COL25A1: variants seen among roughly 807,000 people sequenced by gnomAD.
The protein encoded by COL25A1 is collagen alpha-1(XXV) chain.
Under a neutral mutation model 128.4 loss-of-function variants are expected in COL25A1, and 103 were observed. That is an observed-to-expected ratio of 0.80 (90% CI 0.68 to 0.94). The LOEUF (loss-of-function observed/expected upper bound fraction) is 0.94. Ranked by LOEUF, COL25A1 falls within the 40% of genes least tolerant of loss-of-function variation. The pLI, the probability that COL25A1 is intolerant of heterozygous loss-of-function variation, is 0.00. For synonymous variants in COL25A1, 279 were observed against 277.2 expected, an observed-to-expected ratio of 1.01 and a Z score of -0.06; for missense variants, 745 against 840.0, an observed-to-expected ratio of 0.89 and a Z score of 1.40.
chr4:109,140,623 T>C (rs190282003), intron 3 of COL25A1, among the ~76,000 whole-genome samples: 2 of 152,334 alleles, frequency 1.3e-5, no homozygotes, highest in African/African-American at 4.8e-5. Flanking sequence ...CAGTGGTTTG[T>C]AGTTCTCCTT....
intron 3 of COL25A1, among the ~76,000 whole-genome samples, chr4:109,080,077 C>A (rs1763708457): frequency 6.6e-6 from 1 of 152,160 alleles, no homozygotes; most frequent in Middle Eastern, 3.4e-3. Context: ...GTTATCATTA[C>A]CCCCACCACA....
intron 14 of COL25A1, among the ~76,000 whole-genome samples, chr4:108,899,760 G>T (rs1292561968): frequency 1.3e-5 from 2 of 152,002 alleles, no homozygotes; most frequent in East Asian, 3.9e-4. Context: ...ATTTTAGGAG[G>T]CACCTTAAGG....
At chr4:109,085,136 T>G (rs1050074390) in intron 3 of COL25A1, among the ~76,000 whole-genome samples, 6 of 152,296 alleles carry the variant, frequency 3.9e-5, no homozygotes, top group African/African-American at 1.4e-4. Context: ...TTTGTGCCAC[T>G]GTCTTCTCTA....
chr4:109,275,949 C>T (rs1722794369), intron 3 of COL25A1, among the ~76,000 whole-genome samples: 2 of 152,148 alleles, frequency 1.3e-5, no homozygotes, highest in African/African-American at 4.8e-5. Context: ...CTTCTCAATC[C>T]ACTGGGCAAA....
At chr4:108,817,530 C>T in intron 36 of COL25A1, 95 bp from the exon 37 acceptor site, 1 of 1,173,794 alleles carries the variant, frequency 8.5e-7, no homozygotes. Context: ...TAAATTTCTA[C>T]CCATTAGTGA....
chr4:108,858,201 T>C (rs1210747173), intron 24 of COL25A1, among the ~76,000 whole-genome samples: 1 of 152,110 alleles, frequency 6.6e-6, no homozygotes, highest in Non-Finnish European at 1.5e-5. Context: ...AGGGGGGTCA[T>C]TAAGGTTTCT....
In COL25A1 at chr4:108,966,965, A is replaced by C. The variant is rs542476131; in HGVS notation, c.492+7402T>G. On this transcript the variant is annotated intron_variant, in intron 8 of 37. Transcript: ENST00000399132. ...GAGAGGAAAGAAAGAAAAAGAAAGA[A>C]AGAAAAAGAAAGAAAAGTTTTATTA... Among the ~76,000 whole-genome samples the C allele has an allele frequency of 1.8e-3, 279 of 152,178 alleles. 2 individuals are homozygous for C. Among genetic ancestry groups the C allele is most frequent in the African/African-American group, 6.3e-3 (263 of 41,546 alleles).
At chr4:109,215,945 C>A (rs1342818629) in intron 3 of COL25A1, among the ~76,000 whole-genome samples, 1 of 152,080 alleles carries the variant, frequency 6.6e-6, no homozygotes, top group African/African-American at 2.4e-5. Flanking sequence ...TGTGAGTCAG[C>A]ACATTGGGTT....
chr4:108,869,206 A>T, intron 19 of COL25A1, 56 bp from the exon 20 acceptor site: 1 of 765,710 alleles, frequency 1.3e-6, no homozygotes, highest in East Asian at 3.6e-5. Flanking sequence ...ATAAATAAAT[A>T]AATAAATAAA....
At chr4:108,862,965 T>C (rs958045193) in intron 21 of COL25A1, among the ~76,000 whole-genome samples, 2 of 152,224 alleles carry the variant, frequency 1.3e-5, no homozygotes, top group African/African-American at 4.8e-5. Flanking sequence ...TCCTTAGCTC[T>C]AATATTTTCA....
intron 3 of COL25A1, among the ~76,000 whole-genome samples, chr4:109,223,255 G>A (rs1778547991): frequency 6.6e-6 from 1 of 152,126 alleles, no homozygotes; most frequent in Non-Finnish European, 1.5e-5. Flanking sequence ...GGTCACCAAT[G>A]TGGACTTACC....
intron 3 of COL25A1, among the ~76,000 whole-genome samples, chr4:109,151,206 CA>C (rs1771469871): frequency 6.6e-6 from 1 of 152,076 alleles, no homozygotes; most frequent in Non-Finnish European, 1.5e-5. Context: ...AATTTCCCCT[CA>C]AAAAAATGTA....
At chr4:108,948,832 C>G (rs901846587) in intron 8 of COL25A1, among the ~76,000 whole-genome samples, 4 of 152,136 alleles carry the variant, frequency 2.6e-5, no homozygotes, top group Non-Finnish European at 4.4e-5. Context: ...GTGAAGACAG[C>G]CTGCAAAAGA....
intron 13 of COL25A1, among the ~76,000 whole-genome samples, chr4:108,906,046 C>T (rs1743474296): frequency 6.6e-6 from 1 of 152,126 alleles, no homozygotes; most frequent in African/African-American, 2.4e-5. Flanking sequence ...TTCTTTGCCA[C>T]CCACCAGCTT....
At chr4:109,292,118 G>T (rs975668352) in intron 3 of COL25A1, among the ~76,000 whole-genome samples, 3 of 151,864 alleles carry the variant, frequency 2.0e-5, no homozygotes, top group Non-Finnish European at 4.4e-5. Flanking sequence ...CTTTGGAGAT[G>T]CCTCAGGGGC....
At chr4:109,257,441 T>C (rs1271629731) in intron 3 of COL25A1, among the ~76,000 whole-genome samples, 4 of 152,188 alleles carry the variant, frequency 2.6e-5, no homozygotes, top group Non-Finnish European at 5.9e-5. Context: ...AAGAAAATCA[T>C]GACTACTTCT....
chr4:109,265,703 C>T (rs1284592338), intron 3 of COL25A1, among the ~76,000 whole-genome samples: 2 of 152,056 alleles, frequency 1.3e-5, no homozygotes, highest in Admixed American at 1.3e-4. Context: ...TGCTGCACAC[C>T]ACCAGACCTT....
chr4:109,054,293 T>C (rs1761260683), intron 3 of COL25A1, among the ~76,000 whole-genome samples: 1 of 152,222 alleles, frequency 6.6e-6, no homozygotes, highest in South Asian at 2.1e-4. Flanking sequence ...CCTATGGATT[T>C]TTCACTACTG....
Position 108,950,662 on chromosome 4 carries a change from G to A in COL25A1, c.493-9225C>T, listed in dbSNP as rs1221761326. ...ACGTAGACTCTGTTCTTCAACTTGGGCAAGGTCAGGATAAGGGCAATGGCA... is the reference window on the plus strand; with the variant it reads ...ACGTAGACTCTGTTCTTCAACTTGGACAAGGTCAGGATAAGGGCAATGGCA... On this transcript the variant is annotated intron_variant, in intron 8 of 37. Coordinates refer to ENST00000399132, the MANE Select transcript of COL25A1 (RefSeq NM_198721.4). Among the ~76,000 whole-genome samples, 3 of 152,286 alleles carry A rather than the reference G, an allele frequency of 2.0e-5. No homozygotes were observed. In the East Asian group the frequency reaches 5.8e-4, roughly 29 times the overall value.
Sources: allele counts gnomAD v4.1 joint callset (sites outside exome capture counted in the v4.1 genomes callset), GRCh38; gene constraint gnomAD v4.1.1; transcripts MANE v1.5; gene names NCBI Gene and HGNC (gene_info 2026-07-23, HGNC 2026-07-21).